The following SYTL2 variants were observed in gnomAD, a reference collection of about 807,000 sequenced individuals.
SYTL2 encodes synaptotagmin-like protein 2.
Under a neutral mutation model 198.7 loss-of-function variants are expected in SYTL2, and 165 were observed. That is an observed-to-expected ratio of 0.83 (90% CI 0.73 to 0.94). The LOEUF (loss-of-function observed/expected upper bound fraction) is 0.94, where lower values mean the gene tolerates loss of function less well. Among genes scored for constraint, SYTL2 ranks in the 40% least tolerant of loss-of-function variants. SYTL2 has a pLI of 0.00. For missense variants in SYTL2, 2,835 were observed against 2,582.8 expected, an observed-to-expected ratio of 1.10 and a Z score of -2.12; for synonymous variants, 966 against 917.7, an observed-to-expected ratio of 1.05 and a Z score of -0.95.
chr11:85,801,203 AC>A (rs1411597852), intron 1 of SYTL2, among the ~76,000 whole-genome samples: 2 of 152,106 alleles, frequency 1.3e-5, no homozygotes, highest in Admixed American at 1.3e-4. Context: ...TCTACAAAGC[AC>A]TAACCAAATT....
chr11:85,697,917 G>T, intron 18 of SYTL2, 62 bp downstream of exon 18: 2 of 1,113,362 alleles, frequency 1.8e-6, no homozygotes, highest in Non-Finnish European at 2.7e-6. Context: ...ATAGAGAACC[G>T]AAACTAACCA....
chr11:85,712,721 C>G (rs908727767), intron 12 of SYTL2, among the ~76,000 whole-genome samples: 2 of 151,698 alleles, frequency 1.3e-5, no homozygotes, highest in Non-Finnish European at 2.9e-5. Context: ...CACACACACA[C>G]ACACTTTTTT....
At chr11:85,698,218 A>T (rs937482147) in intron 17 of SYTL2, 140 bp from the exon 18 acceptor site, 2 of 614,518 alleles carry the variant, frequency 3.3e-6, no homozygotes, top group African/African-American at 3.7e-5. Flanking sequence ...GATTAAATCT[A>T]TACAGTCTTA....
chr11:85,745,383 G>A (rs754697622), intron 4 of SYTL2, among the ~76,000 whole-genome samples: 29 of 152,168 alleles, frequency 1.9e-4, no homozygotes, highest in Admixed American at 9.2e-4. Flanking sequence ...GGCTCTTGCT[G>A]GTACTGGAAG....
intron 1 of SYTL2, among the ~76,000 whole-genome samples, chr11:85,790,805 G>A (rs988124332): frequency 2.6e-5 from 4 of 152,130 alleles, no homozygotes; most frequent in Admixed American, 6.6e-5. Flanking sequence ...CCACTTTAAT[G>A]TGAAGAGATG....
At chr11:85,760,557 T>C (rs2092068844) in intron 1 of SYTL2, among the ~76,000 whole-genome samples, 1 of 152,044 alleles carries the variant, frequency 6.6e-6, no homozygotes, top group Non-Finnish European at 1.5e-5. Flanking sequence ...GGCAAGAAAA[T>C]AGATTTAGGC....
intron 1 of SYTL2, among the ~76,000 whole-genome samples, chr11:85,769,322 G>C (rs1299345816): frequency 6.6e-6 from 1 of 152,194 alleles, no homozygotes; most frequent in Non-Finnish European, 1.5e-5. Flanking sequence ...GAAGGAATTA[G>C]AATAGTCAGA....
At chr11:85,696,410 T>C in intron 18 of SYTL2, 22 bp from the exon 19 acceptor site, 1 of 1,587,274 alleles carries the variant, frequency 6.3e-7, no homozygotes. Flanking sequence ...GGCATGATTG[T>C]GGGAGCATTT....
the SYTL2 span, among the ~76,000 whole-genome samples, chr11:85,818,659 A>ATTTATCTATCTATCTG: frequency 2.1e-5 from 3 of 143,880 alleles, no homozygotes; most frequent in African/African-American, 8.3e-5. Context: ...ATAAATTACT[A>ATTTATCTATCTATCTG]TCTATCTATC....
At position 85,790,414 on chromosome 11, in the gene SYTL2, T is replaced by G. The variant is rs567652581; in HGVS notation, c.-390+20540A>C. Among the ~76,000 whole-genome samples, 6 of 152,310 alleles carry G rather than the reference T, an allele frequency of 3.9e-5. No homozygotes were observed. The South Asian group carries it at 8.3e-4, about 21-fold the overall frequency. ...TGAATTTTAACAAGTCACTTAACAT[T>G]TCTAGACTTCACTTGCTTTACTGCA... On this transcript the variant is annotated intron_variant, in intron 1 of 19. Transcript: ENST00000359152.
chr11:85,721,821 T>G (rs1226955985), intron 8 of SYTL2, among the ~76,000 whole-genome samples: 1 of 152,216 alleles, frequency 6.6e-6, no homozygotes, highest in Non-Finnish European at 1.5e-5. Flanking sequence ...GGATGTTCTC[T>G]GTTCAAATTT....
chr11:85,754,968 T>C (rs1235464670), intron 2 of SYTL2, among the ~76,000 whole-genome samples: 1 of 152,158 alleles, frequency 6.6e-6, no homozygotes, highest in African/African-American at 2.4e-5. Context: ...GGCAAGTCAT[T>C]TACCCTTTCT....
the SYTL2 span, among the ~76,000 whole-genome samples, chr11:85,842,923 G>T: frequency 6.6e-6 from 1 of 152,180 alleles, no homozygotes. Context: ...CATAGTAGCT[G>T]CTCAACAAAT....
intron 1 of SYTL2, among the ~76,000 whole-genome samples, chr11:85,759,245 CAAA>C (rs752168650): frequency 8.5e-5 from 5 of 58,526 alleles, no homozygotes; most frequent in Admixed American, 3.8e-4. Flanking sequence ...GACTCCTTAT[CAAA>C]AAAAAAAAAA....
Position 85,696,560 on chromosome 11 carries a change from T to A in SYTL2, c.6369-172A>T. ...GGTAGGGGGTAGGAACACATCATGC[T>A]GAAAAGACTCTGGACCTAGAGTCAG... On this transcript the variant is annotated intron_variant, in intron 18 of 19. Coordinates refer to ENST00000359152, the MANE Select transcript of SYTL2 (RefSeq NM_206927.4). 2.8e-5 allele frequency: 17 copies of A among 615,542 alleles called. No homozygotes were observed. In the South Asian group the frequency reaches 3.3e-4, roughly 12 times the overall value. The allele number at this position is 615,542 out of a possible 1,614,324, so 38.1% of individuals were successfully genotyped here. A position where few individuals can be genotyped will look rare whatever the true frequency, so the allele number is the denominator to read the frequency against.
At chr11:85,772,023 C>T (rs1018990935) in intron 1 of SYTL2, among the ~76,000 whole-genome samples, 2 of 152,152 alleles carry the variant, frequency 1.3e-5, no homozygotes, top group African/African-American at 2.4e-5. Flanking sequence ...CCATCTCAGC[C>T]TCCTAAACAG....
intron 1 of SYTL2, among the ~76,000 whole-genome samples, chr11:85,791,526 G>A (rs962351252): frequency 1.3e-5 from 2 of 152,144 alleles, no homozygotes; most frequent in African/African-American, 4.8e-5. Context: ...ATGAGGATTG[G>A]GATGATGAAC....
chr11:85,807,920 T>G (rs2092979943), intron 1 of SYTL2, among the ~76,000 whole-genome samples: 1 of 152,216 alleles, frequency 6.6e-6, no homozygotes, highest in Admixed American at 6.5e-5. Flanking sequence ...GAGATGGCTC[T>G]TAGCTCTGAC....
At position 85,698,900 on chromosome 11, in the gene SYTL2, G is replaced by A. The variant is rs77294543; in HGVS notation, c.6269-822C>T. On this transcript the variant is annotated intron_variant, in intron 17 of 19. Transcript: ENST00000359152. Reference sequence around the variant, plus strand: ...ACATACGTAATAGTTAATATTATGGGCAGATAGTTACTAAGAAGTTGGCTT... The same window carrying A: ...ACATACGTAATAGTTAATATTATGGACAGATAGTTACTAAGAAGTTGGCTT... 3.3e-3 allele frequency among the ~76,000 whole-genome samples: 504 copies of A among 152,310 alleles called. 3 individuals are homozygous for A. The highest frequency in any genetic ancestry group is 0.012 in the African/African-American group (484 of 41,554).
Sources: allele counts gnomAD v4.1 joint callset (sites outside exome capture counted in the v4.1 genomes callset), GRCh38; gene constraint gnomAD v4.1.1; transcripts MANE v1.5; gene names NCBI Gene and HGNC (gene_info 2026-07-23, HGNC 2026-07-21).